Variants in MMP16 observed in about 807,000 individuals in gnomAD.
MMP16 encodes the protein matrix metalloproteinase-16.
MMP16 carries 12 observed loss-of-function variants against 67.8 expected under a neutral mutation model. That is an observed-to-expected ratio of 0.18 (90% CI 0.11 to 0.29). The LOEUF (loss-of-function observed/expected upper bound fraction) is 0.29, where lower values mean the gene tolerates loss of function less well. MMP16 is among the 10% of genes least tolerant of loss of function. MMP16 has a pLI of 1.00. For synonymous variants in MMP16, 249 were observed against 255.9 expected (o/e 0.97, Z 0.26); for missense variants, 475 against 765.7 (o/e 0.62, Z 4.48).
At chr8:88,228,123 G>A (rs185209242) in intron 1 of MMP16, among the ~76,000 whole-genome samples, 3 of 152,082 alleles carry the variant, frequency 2.0e-5, no homozygotes, top group Non-Finnish European at 2.9e-5. Context: ...CATTACAATC[G>A]TCAATGCTAA....
At position 88,165,264 on chromosome 8, in the gene MMP16, G is replaced by C. The variant is rs564080205; in HGVS notation, c.709+2405C>G. On this transcript the variant is annotated intron_variant, in intron 4 of 9. Transcript: ENST00000286614. Reference sequence around the variant, plus strand: ...AAGAATCCATGCAACCTTCTTCATGGAGGACTTCAATATTTTAAGACAAAA... The same window carrying C: ...AAGAATCCATGCAACCTTCTTCATGCAGGACTTCAATATTTTAAGACAAAA... Among the ~76,000 whole-genome samples, 3 of 151,214 alleles carry C rather than the reference G, an allele frequency of 2.0e-5. No homozygotes were observed. The East Asian group carries it at 5.8e-4, about 29-fold the overall frequency.
chr8:88,082,700 T>C (rs551773351), intron 6 of MMP16, among the ~76,000 whole-genome samples: 47 of 152,178 alleles, frequency 3.1e-4, no homozygotes, highest in African/African-American at 1.1e-3. Context: ...AAGTAGTTAC[T>C]GAGTAATAAA....
chr8:88,108,529 G>C (rs1038554573), intron 6 of MMP16, among the ~76,000 whole-genome samples: 5 of 151,172 alleles, frequency 3.3e-5, no homozygotes, highest in Non-Finnish European at 4.4e-5. Context: ...ATGTAATATG[G>C]AATATCTGGA....
chr8:88,079,615 C>A (rs779322161), intron 6 of MMP16, among the ~76,000 whole-genome samples: 1 of 152,140 alleles, frequency 6.6e-6, no homozygotes, highest in Non-Finnish European at 1.5e-5. Context: ...GAGGGCTTGG[C>A]TGCCCTCTGA....
chr8:88,172,579 T>A (rs1280267781), intron 3 of MMP16, among the ~76,000 whole-genome samples: 2 of 152,164 alleles, frequency 1.3e-5, no homozygotes, highest in Non-Finnish European at 2.9e-5. Flanking sequence ...TTAAATATAT[T>A]TGCAGAATAA....
intron 6 of MMP16, 98 bp downstream of exon 6, chr8:88,116,409 G>T: frequency 2.0e-6 from 2 of 1,024,884 alleles, no homozygotes; most frequent in Non-Finnish European, 2.9e-6. Flanking sequence ...CTGTGAGAGG[G>T]CTGGGAAGGT....
At chr8:88,159,169 G>C (rs1247638600) in intron 4 of MMP16, among the ~76,000 whole-genome samples, 1 of 152,136 alleles carries the variant, frequency 6.6e-6, no homozygotes, top group Non-Finnish European at 1.5e-5. Context: ...GGGTCCATAT[G>C]AACTTTAAAC....
At chr8:88,052,483 C>T (rs554645393) in intron 8 of MMP16, among the ~76,000 whole-genome samples, 57 of 152,170 alleles carry the variant, frequency 3.7e-4, no homozygotes, top group Non-Finnish European at 6.8e-4. Context: ...CAGTTACCCT[C>T]CACGCCTCCA....
chr8:88,304,880 C>A (rs932623810), intron 1 of MMP16, among the ~76,000 whole-genome samples: 5 of 152,304 alleles, frequency 3.3e-5, no homozygotes, highest in Middle Eastern at 3.4e-3. Context: ...TATAAAGCAA[C>A]CACATAAACA....
chr8:88,320,991 C>T (rs1811452062), intron 1 of MMP16, among the ~76,000 whole-genome samples: 1 of 152,084 alleles, frequency 6.6e-6, no homozygotes, highest in African/African-American at 2.4e-5. Context: ...TGAAGAACCT[C>T]AAAATCTATA....
intron 6 of MMP16, among the ~76,000 whole-genome samples, chr8:88,077,932 A>C (rs1454038148): frequency 6.6e-6 from 1 of 152,194 alleles, no homozygotes; most frequent in Non-Finnish European, 1.5e-5. Flanking sequence ...CACCCTTCTA[A>C]ACAACATAAG....
At chr8:88,267,372 A>G (rs1203229341) in intron 1 of MMP16, among the ~76,000 whole-genome samples, 1 of 152,168 alleles carries the variant, frequency 6.6e-6, no homozygotes, top group Non-Finnish European at 1.5e-5. Context: ...CACTTTCCTT[A>G]CCCAAGACTC....
At chr8:88,128,978 G>A (rs1228372861) in intron 4 of MMP16, among the ~76,000 whole-genome samples, 7 of 151,786 alleles carry the variant, frequency 4.6e-5, no homozygotes, top group African/African-American at 7.2e-5. Flanking sequence ...GACCCTCACA[G>A]AAGGGATGTA....
chr8:88,225,686 C>A (rs1358162815), intron 1 of MMP16, among the ~76,000 whole-genome samples: 1 of 151,266 alleles, frequency 6.6e-6, no homozygotes, highest in African/African-American at 2.4e-5. Flanking sequence ...CACAAGTGCT[C>A]AAGTAGTATC....
chr8:88,271,686 T>G (rs1472038461), intron 1 of MMP16, among the ~76,000 whole-genome samples: 1 of 152,102 alleles, frequency 6.6e-6, no homozygotes, highest in Non-Finnish European at 1.5e-5. Flanking sequence ...AAAAGGTTGA[T>G]TCTCAAAGTT....
chr8:88,191,670 G>GAC (rs1469816177), intron 2 of MMP16, among the ~76,000 whole-genome samples: 20 of 152,052 alleles, frequency 1.3e-4, no homozygotes, highest in African/African-American at 3.6e-4. Flanking sequence ...CACACACACA[G>GAC]ACACACACAC....
chr8:88,071,028 A>G (rs1188025451), intron 7 of MMP16, among the ~76,000 whole-genome samples: 4 of 152,246 alleles, frequency 2.6e-5, no homozygotes, highest in East Asian at 3.9e-4. Flanking sequence ...TTGGACACAC[A>G]TATAAAGGAC....
chr8:88,167,311 T>G, intron 4 of MMP16, among the ~76,000 whole-genome samples: 1 of 152,000 alleles, frequency 6.6e-6, no homozygotes, highest in East Asian at 1.9e-4. Flanking sequence ...AGTAGAAACA[T>G]TGGGATAAGA....
At chr8:88,148,608 C>G (rs1808336419) in intron 4 of MMP16, among the ~76,000 whole-genome samples, 1 of 152,220 alleles carries the variant, frequency 6.6e-6, no homozygotes, top group Non-Finnish European at 1.5e-5. Context: ...GCATTTCACA[C>G]ACGCTCACCA....
Sources: gnomAD v4.1 joint callset for allele counts (sites outside exome capture counted in the v4.1 genomes callset) on GRCh38, gnomAD v4.1.1 for gene constraint, MANE v1.5 for transcripts, NCBI Gene and HGNC (gene_info 2026-07-23, HGNC 2026-07-21) for gene names.